The following EXOC4 variants were observed in gnomAD, a reference collection of about 807,000 sequenced individuals.
EXOC4 encodes SEC8-like 1.
In EXOC4, 71 loss-of-function variants were observed where a neutral mutation model predicts 107.2. The observed-to-expected ratio is 0.66, with a 90% CI of 0.55 to 0.81. The LOEUF (loss-of-function observed/expected upper bound fraction) is 0.81. EXOC4 is among the 30% of genes least tolerant of loss of function. EXOC4 has a pLI of 0.00. For synonymous variants in EXOC4, 456 were observed against 441.2 expected (o/e 1.03, Z -0.42); for missense variants, 1,108 against 1,189.6 (o/e 0.93, Z 1.01).
intron 9 of EXOC4, among the ~76,000 whole-genome samples, chr7:133,512,382 T>C (rs1321846327): frequency 6.6e-6 from 1 of 151,866 alleles, no homozygotes; most frequent in African/African-American, 2.4e-5. Flanking sequence ...TGAGCCGAGA[T>C]TGCGCCACTG....
At chr7:133,793,859 T>TAAAA (rs1242122897) in intron 10 of EXOC4, among the ~76,000 whole-genome samples, 1 of 3,458 alleles carries the variant, frequency 2.9e-4, no homozygotes, top group Non-Finnish European at 4.3e-3. Context: ...AAAAAATAAA[T>TAAAA]AAAAATAAAT....
intron 17 of EXOC4, among the ~76,000 whole-genome samples, chr7:134,061,818 G>A (rs1796065321): frequency 6.6e-6 from 1 of 152,136 alleles, no homozygotes; most frequent in Non-Finnish European, 1.5e-5. Context: ...AGAGCTGTAG[G>A]ATAAATATTA....
chr7:133,795,092 G>A (rs1329450507), intron 10 of EXOC4, among the ~76,000 whole-genome samples: 1 of 152,028 alleles, frequency 6.6e-6, no homozygotes, highest in East Asian at 1.9e-4. Context: ...AAAAAATCAA[G>A]TATTACGCAG....
At chr7:133,261,133 G>A (rs1490910334) in intron 1 of EXOC4, among the ~76,000 whole-genome samples, 1 of 151,862 alleles carries the variant, frequency 6.6e-6, no homozygotes, top group Non-Finnish European at 1.5e-5. Flanking sequence ...TTTTCCTGTA[G>A]CTTTGTGAAC....
intron 14 of EXOC4, among the ~76,000 whole-genome samples, chr7:133,992,293 G>A (rs1311077743): frequency 8.8e-6 from 1 of 114,192 alleles, no homozygotes; most frequent in African/African-American, 3.3e-5. Flanking sequence ...TTGTTTGTTT[G>A]TTTTTTTGAT....
At chr7:133,749,955 G>GTTTTTTTTT (rs56902982) in intron 10 of EXOC4, among the ~76,000 whole-genome samples, 5 of 62,106 alleles carry the variant, frequency 8.1e-5, no homozygotes, top group Non-Finnish European at 1.2e-4. Context: ...GTGGTTGGCA[G>GTTTTTTTTT]TTTTTTTTTT....
chr7:133,652,518 TC>T (rs1803186203), intron 10 of EXOC4, among the ~76,000 whole-genome samples: 1 of 151,886 alleles, frequency 6.6e-6, no homozygotes. Flanking sequence ...GAGTGGAGTT[TC>T]CCCCTTGCCC....
intron 7 of EXOC4, among the ~76,000 whole-genome samples, chr7:133,407,726 T>G (rs990798530): frequency 1.8e-4 from 27 of 152,180 alleles, no homozygotes; most frequent in African/African-American, 6.5e-4. Flanking sequence ...TACCAACCTA[T>G]GGACCATTTC....
chr7:133,342,265 G>A (rs1040435791), intron 5 of EXOC4, among the ~76,000 whole-genome samples: 1 of 152,060 alleles, frequency 6.6e-6, no homozygotes, highest in Admixed American at 6.5e-5. Context: ...TGTTTGTCTG[G>A]AAAAGACTGT....
chr7:133,565,239 C>T (rs570237323), intron 9 of EXOC4, among the ~76,000 whole-genome samples: 40 of 152,186 alleles, frequency 2.6e-4, no homozygotes, highest in Admixed American at 4.6e-4. Flanking sequence ...GTTTGCTCTC[C>T]GAAGCATGCT....
intron 10 of EXOC4, among the ~76,000 whole-genome samples, chr7:133,694,893 G>C (rs1432888542): frequency 6.6e-6 from 1 of 152,112 alleles, no homozygotes; most frequent in Non-Finnish European, 1.5e-5. Flanking sequence ...CGCAATCTCA[G>C]CTCACCGCAA....
chr7:133,323,807 C>T (rs1308783255), intron 5 of EXOC4, among the ~76,000 whole-genome samples: 2 of 152,130 alleles, frequency 1.3e-5, no homozygotes, highest in African/African-American at 4.8e-5. Context: ...CCTTGTACCT[C>T]TGGTAGAATT....
chr7:133,965,907 A>G (rs540128290), intron 14 of EXOC4, among the ~76,000 whole-genome samples: 1 of 152,320 alleles, frequency 6.6e-6, no homozygotes, highest in South Asian at 2.1e-4. Flanking sequence ...TCTATGAATT[A>G]CTTTGGGCAG....
chr7:133,485,885 A>C (rs925293884), intron 9 of EXOC4, among the ~76,000 whole-genome samples: 1 of 152,204 alleles, frequency 6.6e-6, no homozygotes, highest in Non-Finnish European at 1.5e-5. Context: ...AATAAAACTC[A>C]TGAATGAGTA....
In EXOC4 at chr7:133,659,268, G is replaced by C. The variant is rs781601433; in HGVS notation, c.1514+29127G>C. 1.4e-4 allele frequency among the ~76,000 whole-genome samples: 22 copies of C among 152,032 alleles called. 1 individual carries two copies. The highest frequency in any genetic ancestry group is 2.6e-4 in the Non-Finnish European group (18 of 68,008). ...GATAGTAGTAGTGGCAGCACCACCAGCAGCTATTTCATAGAGTTGCTGAAG... is the reference window on the plus strand; with the variant it reads ...GATAGTAGTAGTGGCAGCACCACCACCAGCTATTTCATAGAGTTGCTGAAG... On this transcript the variant is annotated intron_variant, in intron 10 of 17. Transcript: ENST00000253861.
intron 10 of EXOC4, among the ~76,000 whole-genome samples, chr7:133,756,867 G>A (rs542690398): frequency 6.6e-6 from 1 of 152,292 alleles, no homozygotes; most frequent in African/African-American, 2.4e-5. Context: ...AATATATCTG[G>A]ATCTGATCTG....
At chr7:133,902,620 G>A (rs992533041) in intron 12 of EXOC4, among the ~76,000 whole-genome samples, 5 of 152,086 alleles carry the variant, frequency 3.3e-5, no homozygotes, top group Non-Finnish European at 2.9e-5. Flanking sequence ...TTGGGAGGCC[G>A]AGGGCAGGCA....
chr7:133,653,070 T>C (rs1803200349), intron 10 of EXOC4, among the ~76,000 whole-genome samples: 1 of 152,176 alleles, frequency 6.6e-6, no homozygotes, highest in Non-Finnish European at 1.5e-5. Flanking sequence ...GTAACTGAGA[T>C]TGGGGCCTTG....
At chr7:133,432,458 C>T (rs768873831) in intron 7 of EXOC4, among the ~76,000 whole-genome samples, 2 of 152,032 alleles carry the variant, frequency 1.3e-5, no homozygotes. Context: ...GTTCATTGGA[C>T]CTTCTTAAGA....
Sources: allele counts gnomAD v4.1 joint callset (sites outside exome capture counted in the v4.1 genomes callset), GRCh38; gene constraint gnomAD v4.1.1; transcripts MANE v1.5; gene names NCBI Gene and HGNC (gene_info 2026-07-23, HGNC 2026-07-21).